CATSPERE: variants seen among roughly 807,000 people sequenced by gnomAD.
The protein encoded by CATSPERE is cation channel sperm-associated auxiliary subunit epsilon.
Under a neutral mutation model 114.1 loss-of-function variants are expected in CATSPERE, and 93 were observed. That is an observed-to-expected ratio of 0.81 (90% confidence interval 0.69 to 0.97). The LOEUF is 0.97. CATSPERE is among the 50% of genes least tolerant of loss of function. The pLI is 0.00. For missense variants in CATSPERE, 1,058 were observed against 1,131.6 expected, an observed-to-expected ratio of 0.93 and a Z score of 0.93; for synonymous variants, 341 against 384.1, an observed-to-expected ratio of 0.89 and a Z score of 1.31.
chr1:244,497,050 G>A (rs139932862), intron 6 of CATSPERE, among the ~76,000 whole-genome samples: 22 of 152,266 alleles, frequency 1.4e-4, no homozygotes, highest in Non-Finnish European at 2.8e-4. Flanking sequence ...AAAGATTGGA[G>A]TCATACCTTA....
chr1:244,639,598 G>T (rs560677085), intron 21 of CATSPERE, among the ~76,000 whole-genome samples: 1 of 150,528 alleles, frequency 6.6e-6, no homozygotes, highest in South Asian at 2.1e-4. Context: ...GCTGAAGCAG[G>T]AGAATGGTTT....
chr1:244,479,028 CAAAAAAAA>C (rs1161485991), intron 4 of CATSPERE, among the ~76,000 whole-genome samples: 2 of 47,500 alleles, frequency 4.2e-5, no homozygotes, highest in African/African-American at 8.8e-5. Flanking sequence ...AACTTCGTCT[CAAAAAAAA>C]AAAAAAAAAA....
chr1:244,488,972 T>C (rs1157369157), intron 5 of CATSPERE, among the ~76,000 whole-genome samples: 2 of 152,206 alleles, frequency 1.3e-5, no homozygotes, highest in Non-Finnish European at 2.9e-5. Flanking sequence ...CATGATAATG[T>C]ACTAGACACT....
At chr1:244,543,703 G>A (rs1659259138) in intron 8 of CATSPERE, among the ~76,000 whole-genome samples, 1 of 149,946 alleles carries the variant, frequency 6.7e-6, no homozygotes, top group African/African-American at 2.4e-5. Flanking sequence ...GAACTCCCCA[G>A]TGTGCATTCA....
chr1:244,614,152 G>T (rs555337353), intron 19 of CATSPERE, among the ~76,000 whole-genome samples: 1 of 152,112 alleles, frequency 6.6e-6, no homozygotes, highest in African/African-American at 2.4e-5. Context: ...CTCCATTTCA[G>T]GTGTTCTGTT....
At chr1:244,582,123 T>A (rs1369311879) in intron 12 of CATSPERE, among the ~76,000 whole-genome samples, 3 of 152,232 alleles carry the variant, frequency 2.0e-5, no homozygotes, top group African/African-American at 7.2e-5. Context: ...AGTTGAATAA[T>A]TTTCAAGCAC....
At position 244,495,371 on chromosome 1, in the gene CATSPERE, G is replaced by A. The variant is rs549951893; in HGVS notation, c.352-3631G>A. On this transcript the variant is annotated intron_variant, in intron 6 of 21. Transcript: ENST00000366534. ...TATGGGAATAGGGAATGAAAGTTTC[G>A]GCCTGTGGGAGTAAAGGGAGCTGAA... Among the ~76,000 whole-genome samples, 122 of 152,166 alleles carry A rather than the reference G, an allele frequency of 8.0e-4. 1 individual carries two copies. The highest frequency in any genetic ancestry group is 2.8e-3 in the African/African-American group (118 of 41,498).
rs1648807085 is a variant in CATSPERE at position 244,560,908 on chromosome 1, T to C, written c.1270T>C (p.Tyr424His). Residue 424 changes from tyrosine (Y) to histidine (H), a missense_variant, in exon 10 of 22, where the codon TAT becomes CAT. Tyr to His is a moderately conservative substitution (Grantham distance 83). Coordinates refer to ENST00000366534, the MANE Select transcript of CATSPERE (RefSeq NM_001130957.2). ...CACCAAAAAGATTTTCTTAGTGATA[T>C]ATAATGAAGATACAAAACAGTGGGT... ...NVTKKIFLVI[Y>H]NEDTKQWVSQ... 2 of 1,613,972 alleles carry C rather than the reference T, an allele frequency of 1.2e-6. No homozygotes were observed. The highest frequency in any genetic ancestry group is 1.7e-5 in the Admixed American group (1 of 59,998).
chr1:244,529,113 T>A (rs527268294), intron 8 of CATSPERE, among the ~76,000 whole-genome samples: 2 of 152,366 alleles, frequency 1.3e-5, no homozygotes, highest in African/African-American at 4.8e-5. Flanking sequence ...AAATCTTGAC[T>A]ATTATGAATT....
intron 7 of CATSPERE, among the ~76,000 whole-genome samples, chr1:244,510,271 C>G (rs1675487374): frequency 6.6e-6 from 1 of 152,106 alleles, no homozygotes. Flanking sequence ...TGTTGTGTTT[C>G]TATCTTCATT....
intron 11 of CATSPERE, among the ~76,000 whole-genome samples, chr1:244,574,736 G>A (rs546361014): frequency 1.2e-4 from 19 of 152,134 alleles, no homozygotes; most frequent in South Asian, 2.1e-4. Flanking sequence ...GAATAAGGGC[G>A]GACTGATGGG....
At chr1:244,582,909 TGATATATATATATATATATA>T (rs1666398944) in intron 12 of CATSPERE, among the ~76,000 whole-genome samples, 1 of 27,062 alleles carries the variant, frequency 3.7e-5, no homozygotes, top group African/African-American at 1.0e-4. Flanking sequence ...AAACAGAATT[TGATATATATATATATATATA>T]TATATATATA....
chr1:244,501,432 A>G (rs541221170), intron 7 of CATSPERE, among the ~76,000 whole-genome samples: 5 of 152,358 alleles, frequency 3.3e-5, no homozygotes, highest in African/African-American at 1.2e-4. Flanking sequence ...AAAATCTAAA[A>G]TGAGGAATTA....
At chr1:244,634,376 G>A (rs1674356197) in intron 20 of CATSPERE, among the ~76,000 whole-genome samples, 1 of 152,122 alleles carries the variant, frequency 6.6e-6, no homozygotes, top group South Asian at 2.1e-4. Context: ...ATTCTGAGGG[G>A]TAAATGAAGC....
chr1:244,618,036 G>C (rs1315586986), intron 20 of CATSPERE, among the ~76,000 whole-genome samples: 1 of 152,164 alleles, frequency 6.6e-6, no homozygotes, highest in Non-Finnish European at 1.5e-5. Flanking sequence ...AGTTAAATCA[G>C]AGCAAAATAC....
At chr1:244,494,245 A>G (rs1363090305) in intron 6 of CATSPERE, among the ~76,000 whole-genome samples, 4 of 152,094 alleles carry the variant, frequency 2.6e-5, no homozygotes, top group South Asian at 2.1e-4. Flanking sequence ...AATGTGGCAC[A>G]TATACACCAT....
chr1:244,547,668 C>G (rs964285132), intron 8 of CATSPERE, among the ~76,000 whole-genome samples: 1 of 151,806 alleles, frequency 6.6e-6, no homozygotes, highest in Non-Finnish European at 1.5e-5. Flanking sequence ...AACCACAAAG[C>G]AAAAACCTGT....
At chr1:244,486,311 G>T (rs558465440) in intron 5 of CATSPERE, among the ~76,000 whole-genome samples, 1 of 151,932 alleles carries the variant, frequency 6.6e-6, no homozygotes, top group Non-Finnish European at 1.5e-5. Flanking sequence ...TTCAGCATGT[G>T]GGGTACTCGT....
intron 18 of CATSPERE, 27 bp from the exon 19 acceptor site, chr1:244,610,213 C>T: frequency 6.8e-7 from 1 of 1,470,414 alleles, no homozygotes; most frequent in Non-Finnish European, 9.4e-7. Context: ...TTCTACCTAC[C>T]CACATACATG....
Sources: gnomAD v4.1 joint callset for allele counts (sites outside exome capture counted in the v4.1 genomes callset) on GRCh38, gnomAD v4.1.1 for gene constraint, MANE v1.5 for transcripts, NCBI Gene and HGNC (gene_info 2026-07-23, HGNC 2026-07-21) for gene names.